Variants in CNTNAP5 observed in about 807,000 individuals in gnomAD.
CNTNAP5 encodes the protein contactin associated protein family member 5.
A neutral mutation model predicts 150.2 loss-of-function variants in CNTNAP5; 72 were observed. The ratio of observed to expected loss-of-function variants is 0.48; its 90% confidence interval spans 0.40 to 0.58. The LOEUF is 0.58. CNTNAP5 is among the 20% of genes least tolerant of loss of function. The pLI is 0.00. For synonymous variants in CNTNAP5, 672 were observed against 619.8 expected (o/e 1.08, Z -1.25); for missense variants, 1,636 against 1,626.2 (o/e 1.01, Z -0.10).
At chr2:124,841,817 G>A (rs772283389) in intron 19 of CNTNAP5, among the ~76,000 whole-genome samples, 1 of 152,108 alleles carries the variant, frequency 6.6e-6, no homozygotes, top group Non-Finnish European at 1.5e-5. Flanking sequence ...TGTTAATAAT[G>A]TGAGCATGAG....
intron 1 of CNTNAP5, among the ~76,000 whole-genome samples, chr2:124,142,953 G>A (rs1420950618): frequency 2.4e-5 from 3 of 127,090 alleles, no homozygotes; most frequent in African/African-American, 9.4e-5. Flanking sequence ...AAATGATAAA[G>A]GGGATATCAC....
At chr2:124,123,722 T>G (rs1683621944) in intron 1 of CNTNAP5, among the ~76,000 whole-genome samples, 1 of 152,170 alleles carries the variant, frequency 6.6e-6, no homozygotes, top group South Asian at 2.1e-4. Context: ...AAGGACGATC[T>G]GACAGCAACA....
At chr2:124,429,966 T>A (rs1692332836) in intron 4 of CNTNAP5, among the ~76,000 whole-genome samples, 1 of 152,184 alleles carries the variant, frequency 6.6e-6, no homozygotes. Flanking sequence ...GGCTCTGAAT[T>A]AATGTGGCAA....
intron 3 of CNTNAP5, among the ~76,000 whole-genome samples, chr2:124,319,881 C>T (rs1689056857): frequency 6.6e-6 from 1 of 152,210 alleles, no homozygotes; most frequent in African/African-American, 2.4e-5. Flanking sequence ...GTTTTTATAA[C>T]TCCTTCCACA....
chr2:124,394,879 A>C (rs1195697271), intron 3 of CNTNAP5, among the ~76,000 whole-genome samples: 1 of 152,222 alleles, frequency 6.6e-6, no homozygotes, highest in Non-Finnish European at 1.5e-5. Context: ...ATTCAGGCTT[A>C]ATATCCCACT....
At chr2:124,032,329 G>A (rs1452039460) in intron 1 of CNTNAP5, among the ~76,000 whole-genome samples, 1 of 152,088 alleles carries the variant, frequency 6.6e-6, no homozygotes, top group African/African-American at 2.4e-5. Flanking sequence ...AAAAATTAGA[G>A]TTGTAGGTAA....
intron 1 of CNTNAP5, among the ~76,000 whole-genome samples, chr2:124,207,817 A>G (rs1685899608): frequency 6.6e-6 from 1 of 152,204 alleles, no homozygotes; most frequent in Admixed American, 6.5e-5. Flanking sequence ...TGAGGGAAAA[A>G]TGGAAATTGA....
chr2:124,414,071 A>G (rs1034986643), intron 3 of CNTNAP5, among the ~76,000 whole-genome samples: 1 of 150,748 alleles, frequency 6.6e-6, no homozygotes, highest in South Asian at 2.1e-4. Flanking sequence ...AGCATTGGAT[A>G]TAGAATGCTA....
intron 19 of CNTNAP5, among the ~76,000 whole-genome samples, chr2:124,858,718 A>G (rs553829080): frequency 7.4e-4 from 113 of 152,322 alleles, no homozygotes; most frequent in Non-Finnish European, 1.2e-3. Context: ...ACAAAAAATA[A>G]AAAGAAACTA....
intron 11 of CNTNAP5, among the ~76,000 whole-genome samples, chr2:124,583,066 G>C (rs777793388): frequency 1.3e-5 from 2 of 152,026 alleles, no homozygotes; most frequent in African/African-American, 2.4e-5. Context: ...TTGAATTGGG[G>C]ATATCCATGT....
In CNTNAP5 at chr2:124,764,113, T is replaced by C; in HGVS notation, c.2499T>C (p.Leu833=). The C allele has an allele frequency of 6.2e-7, 1 of 1,613,208 alleles. No homozygotes were observed. The highest frequency in any genetic ancestry group is 8.5e-7 in the Non-Finnish European group (1 of 1,179,316). Reference sequence around the variant, plus strand: ...TATCCGGAGTTTTCCTAGAAAATCTTGGCATTAAAGACTTCATTCGACTCG... The same window carrying C: ...TATCCGGAGTTTTCCTAGAAAATCTCGGCATTAAAGACTTCATTCGACTCG... The part of the protein sequence containing the change: ...TALSGVFLEN[L]GIKDFIRLEI... The change falls in exon 16 of 24, where the codon CTT becomes CTC. Residue 833 remains leucine, a synonymous_variant. Transcript: ENST00000682447.
intron 10 of CNTNAP5, among the ~76,000 whole-genome samples, chr2:124,533,916 C>T (rs1695172810): frequency 6.6e-6 from 1 of 152,156 alleles, no homozygotes; most frequent in Non-Finnish European, 1.5e-5. Flanking sequence ...ATCTTTCCTT[C>T]TAAAATACTT....
chr2:124,169,002 T>C (rs1172590845), intron 1 of CNTNAP5, among the ~76,000 whole-genome samples: 3 of 152,182 alleles, frequency 2.0e-5, no homozygotes, highest in East Asian at 3.9e-4. Flanking sequence ...TACCTCTTCC[T>C]TGAATCACGA....
chr2:124,202,901 A>G (rs1177247020), intron 1 of CNTNAP5, among the ~76,000 whole-genome samples: 1 of 152,138 alleles, frequency 6.6e-6, no homozygotes, highest in African/African-American at 2.4e-5. Context: ...ACACAGCCAG[A>G]CCACATCATT....
chr2:124,825,833 C>G (rs1682581465), intron 19 of CNTNAP5, among the ~76,000 whole-genome samples: 1 of 152,110 alleles, frequency 6.6e-6, no homozygotes, highest in African/African-American at 2.4e-5. Flanking sequence ...TCCAGGAACC[C>G]CTGAATTACA....
intron 20 of CNTNAP5, among the ~76,000 whole-genome samples, chr2:124,868,001 A>G (rs998966601): frequency 6.6e-6 from 1 of 152,158 alleles, no homozygotes; most frequent in Non-Finnish European, 1.5e-5. Flanking sequence ...AAATTGTGGT[A>G]TTCTCCTTTT....
chr2:124,466,809 C>G (rs910482716), intron 6 of CNTNAP5, among the ~76,000 whole-genome samples: 2 of 152,258 alleles, frequency 1.3e-5, no homozygotes, highest in African/African-American at 4.8e-5. Context: ...TTCATACAGA[C>G]TATGTACTCA....
chr2:124,058,512 T>G (rs909003182), intron 1 of CNTNAP5, among the ~76,000 whole-genome samples: 5 of 152,156 alleles, frequency 3.3e-5, no homozygotes, highest in African/African-American at 1.2e-4. Context: ...TGATCTTAGA[T>G]AAGTCCATTT....
intron 3 of CNTNAP5, among the ~76,000 whole-genome samples, chr2:124,295,500 T>C (rs1240323780): frequency 6.6e-6 from 1 of 152,270 alleles, no homozygotes; most frequent in Non-Finnish European, 1.5e-5. Context: ...GAAAATCACC[T>C]GGTGACCATT....
Sources: gnomAD v4.1 joint callset for allele counts (sites outside exome capture counted in the v4.1 genomes callset) on GRCh38, gnomAD v4.1.1 for gene constraint, MANE v1.5 for transcripts, NCBI Gene and HGNC (gene_info 2026-07-23, HGNC 2026-07-21) for gene names.